Variants in C16orf96 observed in about 807,000 individuals in gnomAD.
C16orf96 encodes the protein chromosome 16 open reading frame 96.
C16orf96 carries 108 observed loss-of-function variants against 103.6 expected under a neutral mutation model. The ratio of observed to expected loss-of-function variants is 1.04; its 90% CI spans 0.89 to 1.22. The LOEUF is 1.22. C16orf96 is among the 50% of genes most tolerant of loss of function. C16orf96 has a pLI of 0.00. For missense variants in C16orf96, 1,586 were observed against 1,464.2 expected, an observed-to-expected ratio of 1.08 and a Z score of -1.36; for synonymous variants, 566 against 593.5, an observed-to-expected ratio of 0.95 and a Z score of 0.67.
chr16:4,548,963 T>C, the C16orf96 span, among the ~76,000 whole-genome samples: 2 of 151,890 alleles, frequency 1.3e-5, no homozygotes, highest in African/African-American at 4.8e-5. Context: ...ACTGGGGATG[T>C]GGTGGAGTCC....
chr16:4,597,092 C>CT (rs1416366858), intron 14 of C16orf96, among the ~76,000 whole-genome samples: 2 of 10,864 alleles, frequency 1.8e-4, no homozygotes, highest in African/African-American at 2.0e-4. Flanking sequence ...TTTTGGGGAG[C>CT]ACATTCAACA....
intron 1 of C16orf96, among the ~76,000 whole-genome samples, chr16:4,559,402 T>C (rs1010958279): frequency 6.6e-6 from 1 of 151,352 alleles, no homozygotes; most frequent in Non-Finnish European, 1.5e-5. Flanking sequence ...TAAAAAAAAA[T>C]TAGCCAGGCA....
Position 4,576,196 on chromosome 16 carries a change from CGCTGCCGCCGCA to C in C16orf96, c.1719_1730del (p.Ala574_Ala577del). On this transcript the variant is annotated inframe_deletion, in exon 5 of 16. Coordinates refer to ENST00000444310, the MANE Select transcript of C16orf96 (RefSeq NM_001145011.2). ...TGAAAACCACCGCTGCCATCGCCGC[CGCTGCCGCCGCA>C]GCCTACGCCGCTGCCACATCCTCCG... The C allele has an allele frequency of 1.3e-6, 2 of 1,550,512 alleles. No individual in the cohort carries two copies. Among genetic ancestry groups the C allele is most frequent in the Non-Finnish European group, 1.7e-6 (2 of 1,146,974 alleles).
At position 4,576,539 on chromosome 16, in the gene C16orf96, A is replaced by G. The variant is rs1380290003; in HGVS notation, c.2059A>G (p.Met687Val). The G allele has an allele frequency of 2.6e-6, 4 of 1,551,420 alleles. No homozygotes were observed. The highest frequency in any genetic ancestry group is 3.5e-6 in the Non-Finnish European group (4 of 1,146,964). ...CAAGAAGAGGGCTGTCAAGTATTCC[A>G]TGAGCCACATAGCCCAGATACCTGT... ...EDKKRAVKYS[M>V]SHIAQIPVKH... is the part of the protein sequence containing the mutation. Residue 687 changes from methionine (M) to valine (V), a missense_variant, in exon 5 of 16, where the codon ATG becomes GTG. By Grantham distance (21) the Met-to-Val change is conservative (BLOSUM62 1). Coordinates refer to ENST00000444310, the MANE Select transcript of C16orf96 (RefSeq NM_001145011.2).
chr16:4,584,875 T>C (rs841180), intron 7 of C16orf96, among the ~76,000 whole-genome samples: 22,055 of 151,994 alleles, frequency 0.15, 1,808 homozygotes, highest in South Asian at 0.22. Flanking sequence ...TTCACCATGT[T>C]GGCTAGGCTG....
In C16orf96 at chr16:4,558,722, C is replaced by T. The variant is rs563237479; in HGVS notation, c.420+1813C>T. Reference sequence around the variant, plus strand: ...CTGAGGTGAGGAGTTCGAGACAATCCTGGCCAACATGGTGAAACCCTGTCT... The same window carrying T: ...CTGAGGTGAGGAGTTCGAGACAATCTTGGCCAACATGGTGAAACCCTGTCT... On this transcript the variant is annotated intron_variant, in intron 1 of 15. Coordinates refer to ENST00000444310, the MANE Select transcript of C16orf96 (RefSeq NM_001145011.2). Among the ~76,000 whole-genome samples the T allele has an allele frequency of 3.3e-5, 5 of 152,116 alleles. No homozygotes were observed. The East Asian group carries it at 9.7e-4, about 29-fold the overall frequency.
chr16:4,556,945 C>A, intron 1 of C16orf96, 36 bp downstream of exon 1: 1 of 1,503,564 alleles, frequency 6.7e-7, no homozygotes, highest in Non-Finnish European at 8.9e-7. Context: ...CTTTTCCTCC[C>A]TTCACCACTG....
the C16orf96 span, among the ~76,000 whole-genome samples, chr16:4,540,458 C>T: frequency 6.6e-6 from 1 of 152,048 alleles, no homozygotes; most frequent in African/African-American, 2.4e-5. Context: ...TCTGGCCAGG[C>T]GTGGTGGCTC....
intron 7 of C16orf96, among the ~76,000 whole-genome samples, chr16:4,584,868 A>G (rs1216820252): frequency 6.6e-6 from 1 of 152,012 alleles, no homozygotes; most frequent in Non-Finnish European, 1.5e-5. Flanking sequence ...ATGGGGTTTC[A>G]CCATGTTGGC....
At chr16:4,580,623 G>A (rs937362040) in intron 7 of C16orf96, among the ~76,000 whole-genome samples, 31 of 152,006 alleles carry the variant, frequency 2.0e-4, no homozygotes, top group Admixed American at 1.7e-3. Context: ...GAGGTGGGAG[G>A]ATCACTTAAG....
chr16:4,551,916 C>T (rs2059230317), upstream of C16orf96, among the ~76,000 whole-genome samples: 3 of 152,094 alleles, frequency 2.0e-5, no homozygotes, highest in South Asian at 6.2e-4. Flanking sequence ...CCCTTGCTTC[C>T]CCCACCCCAC....
chr16:4,572,468 T>A (rs1223367458), intron 2 of C16orf96, among the ~76,000 whole-genome samples: 1 of 151,474 alleles, frequency 6.6e-6, no homozygotes. Context: ...CCCGGCTAAT[T>A]TTTTTTGTAT....
chr16:4,582,231 A>G (rs1357488443), intron 7 of C16orf96, among the ~76,000 whole-genome samples: 2 of 151,984 alleles, frequency 1.3e-5, no homozygotes, highest in South Asian at 2.1e-4. Flanking sequence ...GCAGTGAGCG[A>G]AGATTGCGCC....
In C16orf96 at chr16:4,594,823, C is replaced by CT; in HGVS notation, c.3127+21dup. 2 of 1,547,896 alleles carry CT rather than the reference C, an allele frequency of 1.3e-6. No homozygotes were observed. Among genetic ancestry groups the CT allele is most frequent in the Non-Finnish European group, 1.7e-6 (2 of 1,145,786 alleles). ...TGGCAGGTGAGGGGCGTAGGGCTCC[C>CT]TGGGGCACCCTTGCCTGGGGCCCTG... On this transcript the variant is annotated intron_variant, in intron 14 of 15. Coordinates refer to ENST00000444310, the MANE Select transcript of C16orf96 (RefSeq NM_001145011.2).
chr16:4,569,949 C>G (rs2059419755), intron 1 of C16orf96, among the ~76,000 whole-genome samples: 1 of 152,090 alleles, frequency 6.6e-6, no homozygotes, highest in Non-Finnish European at 1.5e-5. Flanking sequence ...CAGGAAGGTG[C>G]CAACTCAGCT....
intron 1 of C16orf96, among the ~76,000 whole-genome samples, chr16:4,564,746 G>A (rs1355369685): frequency 6.6e-6 from 1 of 152,224 alleles, no homozygotes; most frequent in African/African-American, 2.4e-5. Context: ...GAGAGGTGGA[G>A]ATTTCAGTGA....
chr16:4,574,933 C>G, intron 3 of C16orf96, 39 bp from the exon 4 acceptor site: 1 of 1,543,486 alleles, frequency 6.5e-7, no homozygotes, highest in South Asian at 1.2e-5. Context: ...ACTGCCCCCT[C>G]CAGGCTCACA....
chr16:4,600,535 C>A lies in C16orf96; in HGVS notation c.*218C>A. ...GTCCCCTCCACGTCCGAGGCTGAGA[C>A]CCATATGCCCCCCCCACCCCCACCA... On this transcript the variant is annotated 3_prime_UTR_variant, in exon 16 of 16. Coordinates refer to ENST00000444310, the MANE Select transcript of C16orf96 (RefSeq NM_001145011.2). 2.1e-6 allele frequency: 1 copy of A among 466,140 alleles called. No homozygotes were observed. Among genetic ancestry groups the A allele is most frequent in the Non-Finnish European group, 3.9e-6 (1 of 256,276 alleles). 28.9% of individuals were successfully genotyped at this position (466,140 alleles called of 1,614,324 possible).
At chr16:4,551,456 G>T (rs917288650), upstream of C16orf96, among the ~76,000 whole-genome samples, 2 of 152,030 alleles carry the variant, frequency 1.3e-5, no homozygotes, top group Non-Finnish European at 1.5e-5. Flanking sequence ...ACTTTTGTTT[G>T]TTTGTTTGTT....
Sources: gnomAD v4.1 joint callset for allele counts (sites outside exome capture counted in the v4.1 genomes callset) on GRCh38, gnomAD v4.1.1 for gene constraint, MANE v1.5 for transcripts, NCBI Gene and HGNC (gene_info 2026-07-23, HGNC 2026-07-21) for gene names.